Variants in BPIFB4 observed in about 807,000 individuals in gnomAD.
BPIFB4 encodes BPI fold containing family B member 4, also known as BPI fold-containing family B member 4.
A neutral mutation model predicts 69.2 loss-of-function variants in BPIFB4; 62 were observed. That is an observed-to-expected ratio of 0.90 (90% CI 0.73 to 1.11). The LOEUF is 1.11. Ranked by LOEUF, BPIFB4 falls within the 50% of genes least tolerant of loss-of-function variation. The pLI is 0.00. For synonymous variants in BPIFB4, 330 were observed against 332.7 expected (o/e 0.99, Z 0.09); for missense variants, 789 against 792.0 (o/e 1.00, Z 0.04).
rs141730916 is a variant in BPIFB4, at chr20:33,099,745, G to A, written c.1570-681G>A. Among the ~76,000 whole-genome samples the A allele has an allele frequency of 2.2e-4, 34 of 152,200 alleles. 1 individual carries two copies. The East Asian group carries it at 2.7e-3, about 12-fold the overall frequency. On this transcript the variant is annotated intron_variant, in intron 13 of 17. Transcript: ENST00000375483. ...CCACACCAGCTTACACCCCTGGCACGTGCACCCAGAGCCCCCAGTTCTTCA... is the reference window on the plus strand; with the variant it reads ...CCACACCAGCTTACACCCCTGGCACATGCACCCAGAGCCCCCAGTTCTTCA...
At chr20:33,101,855 T>TA (rs562113900) in intron 14 of BPIFB4, among the ~76,000 whole-genome samples, 225 of 152,370 alleles carry the variant, frequency 1.5e-3, no homozygotes, top group Non-Finnish European at 2.4e-3. Context: ...CTTCCTTTAA[T>TA]TCTTGATATA....
rs1365032248 is a variant in BPIFB4, at chr20:33,083,487, C to T, written c.290C>T (p.Ala97Val). The change falls in exon 5 of 18, where the codon GCT (alanine) becomes GTT (valine). Residue 97 changes from alanine (A) to valine (V), a missense_variant. Ala to Val is a moderately conservative substitution (Grantham distance 64, BLOSUM62 0). Coordinates refer to ENST00000375483, the MANE Select transcript of BPIFB4 (RefSeq NM_182519.3). ...YGHIETNDNT[A>V]QLGGKYRYGE... is the part of the protein sequence containing the mutation. The stretch of plus-strand genomic sequence containing the variant: ...CACATTGAGACCAACGACAACACTG[C>T]TCAGCTGGGGGGCAAATACCGATAT... 1.2e-6 allele frequency: 2 copies of T among 1,613,846 alleles called. No individual in the cohort carries two copies. Among genetic ancestry groups the T allele is most frequent in the East Asian group, 4.5e-5 (2 of 44,856 alleles).
At chr20:33,081,012 A>G (rs910895377) in intron 2 of BPIFB4, among the ~76,000 whole-genome samples, 2 of 152,192 alleles carry the variant, frequency 1.3e-5, no homozygotes, top group Non-Finnish European at 2.9e-5. Context: ...TTTCCATGAC[A>G]GATGGGTAAT....
chr20:33,101,522 G>A (rs146567483), intron 14 of BPIFB4, among the ~76,000 whole-genome samples: 309 of 152,186 alleles, frequency 2.0e-3, no homozygotes, highest in African/African-American at 7.2e-3. Context: ...CAGGTATTTG[G>A]CTAAGTCCTA....
At chr20:33,089,620 G>A in intron 9 of BPIFB4, 62 bp downstream of exon 9, 1 of 1,612,478 alleles carries the variant, frequency 6.2e-7, no homozygotes, top group Non-Finnish European at 8.5e-7. Context: ...CTTTCTGGGA[G>A]GAGGGCTCAA....
intron 14 of BPIFB4, among the ~76,000 whole-genome samples, chr20:33,101,523 C>T (rs772488104): frequency 2.0e-5 from 3 of 152,152 alleles, no homozygotes; most frequent in Non-Finnish European, 4.4e-5. Flanking sequence ...AGGTATTTGG[C>T]TAAGTCCTAG....
At chr20:33,107,454 AAAAAC>A (rs1035904452) in intron 16 of BPIFB4, among the ~76,000 whole-genome samples, 1 of 151,876 alleles carries the variant, frequency 6.6e-6, no homozygotes. Context: ...CAAACAAACA[AAAAAC>A]AAAACAAACA....
rs373907622 is a variant in BPIFB4, at chr20:33,083,601, G to T, written c.404G>T (p.Gly135Val). Residue 135 changes from glycine (G) to valine (V), a missense_variant, in exon 5 of 18, where the codon GGC becomes GTC. Coordinates refer to ENST00000375483, the MANE Select transcript of BPIFB4 (RefSeq NM_182519.3). ...SAENAYGGHR[G>V]LGRYRAAPVG... ...GAGAATGCATATGGAGGCCACAGGG[G>T]CCTCGGGCGATACAGGGCAGCACCT... is the stretch of plus-strand genomic sequence containing the variant. 6.2e-6 allele frequency: 10 copies of T among 1,613,940 alleles called. No individual in the cohort carries two copies. The African/African-American group carries it at 8.0e-5, about 13-fold the overall frequency.
intron 15 of BPIFB4, among the ~76,000 whole-genome samples, chr20:33,104,526 C>A (rs1981990009): frequency 6.6e-6 from 1 of 152,226 alleles, no homozygotes; most frequent in Non-Finnish European, 1.5e-5. Flanking sequence ...CTGTGCCTCC[C>A]AGGGGAGGAA....
At chr20:33,108,131 T>C (rs1036142139) in intron 17 of BPIFB4, among the ~76,000 whole-genome samples, 6 of 152,190 alleles carry the variant, frequency 3.9e-5, no homozygotes, top group Non-Finnish European at 7.4e-5. Context: ...GTATAGTTCA[T>C]TGGAGCAACT....
chr20:33,080,646 G>A (rs1023243982), intron 2 of BPIFB4, 70 bp downstream of exon 2: 2 of 152,338 alleles, frequency 1.3e-5, no homozygotes, highest in African/African-American at 2.4e-5. Flanking sequence ...TAACCACGTG[G>A]TGTAGAACTG....
intron 11 of BPIFB4, 41 bp downstream of exon 11, chr20:33,092,699 GA>G (rs1981641303): frequency 6.4e-7 from 1 of 1,552,960 alleles, no homozygotes; most frequent in Admixed American, 1.7e-5. Context: ...CTGGGCAGCA[GA>G]CAGCTGCCAG....
rs1191901010 is a variant in BPIFB4 at position 33,092,661 on chromosome 20, G to T, written c.1344+3G>T. 1.2e-6 allele frequency: 2 copies of T among 1,606,950 alleles called. No individual in the cohort carries two copies. The highest frequency in any genetic ancestry group is 1.1e-5 in the South Asian group (1 of 91,044). On this transcript the variant is annotated splice_donor_region_variant and intron_variant, in intron 11 of 17. Coordinates refer to ENST00000375483, the MANE Select transcript of BPIFB4 (RefSeq NM_182519.3). ...ACCTGGATATCACCAATGGCATGGT[G>T]AGTCACAGCCCCACCAGGGGGAGGT...
intron 2 of BPIFB4, among the ~76,000 whole-genome samples, chr20:33,080,953 G>C (rs575256211): frequency 6.6e-6 from 1 of 152,234 alleles, no homozygotes; most frequent in African/African-American, 2.4e-5. Flanking sequence ...ATGGATGGTT[G>C]GTTGGATGGA....
In BPIFB4 at chr20:33,083,496, G is replaced by A; in HGVS notation, c.299G>A (p.Gly100Glu). The A allele has an allele frequency of 6.2e-7, 1 of 1,613,976 alleles. No individual in the cohort carries two copies. The highest frequency in any genetic ancestry group is 8.5e-7 in the Non-Finnish European group (1 of 1,179,968). ...IETNDNTAQL[G>E]GKYRYGEILE... Reference sequence around the variant, plus strand: ...ACCAACGACAACACTGCTCAGCTGGGGGGCAAATACCGATATGGTGAGATC... The same window carrying A: ...ACCAACGACAACACTGCTCAGCTGGAGGGCAAATACCGATATGGTGAGATC... Residue 100 changes from glycine (G) to glutamate (E), a missense_variant, in exon 5 of 18, where the codon GGG (glycine) becomes GAG (glutamate). Gly to Glu is a moderately conservative substitution (Grantham distance 98). Around this residue, in one of 3 missense-constraint regions of BPIFB4, gnomAD observed 611 missense variants for 575.4 expected, o/e 1.06. Transcript: ENST00000375483.
intron 5 of BPIFB4, among the ~76,000 whole-genome samples, chr20:33,084,206 C>G (rs1981349124): frequency 6.6e-6 from 1 of 152,194 alleles, no homozygotes; most frequent in Non-Finnish European, 1.5e-5. Flanking sequence ...AAAAACTATA[C>G]ATATATATCA....
chr20:33,091,035 T>G (rs1459934350), intron 10 of BPIFB4, among the ~76,000 whole-genome samples: 6 of 152,236 alleles, frequency 3.9e-5, no homozygotes. Context: ...TAACTCAGCC[T>G]ATCTTCACAG....
intron 14 of BPIFB4, among the ~76,000 whole-genome samples, chr20:33,101,329 T>G (rs1981902779): frequency 6.6e-6 from 1 of 152,138 alleles, no homozygotes; most frequent in Non-Finnish European, 1.5e-5. Flanking sequence ...GGTACAATCA[T>G]GCGCTTTGGA....
At chr20:33,099,289 G>A (rs928262082) in intron 13 of BPIFB4, among the ~76,000 whole-genome samples, 2 of 152,180 alleles carry the variant, frequency 1.3e-5, no homozygotes, top group Admixed American at 6.5e-5. Context: ...CCAAGCCACA[G>A]AGTGTGGGGG....
Sources: gnomAD v4.1 joint callset for allele counts (sites outside exome capture counted in the v4.1 genomes callset) on GRCh38, gnomAD v4.1.1 for gene constraint, gnomAD v4.1.1 regional missense constraint, MANE v1.5 for transcripts, NCBI Gene and HGNC (gene_info 2026-07-23, HGNC 2026-07-21) for gene names.